Variants in PDE8B observed in about 807,000 individuals in gnomAD.
PDE8B encodes the protein high affinity cAMP-specific and IBMX-insensitive 3',5'-cyclic phosphodiesterase 8B.
PDE8B carries 26 observed loss-of-function variants against 101.3 expected under a neutral mutation model. The ratio of observed to expected loss-of-function variants is 0.26; its 90% CI spans 0.19 to 0.36. The LOEUF is 0.36. PDE8B is among the 10% of genes least tolerant of loss of function. The pLI is 1.00. For missense variants in PDE8B, 810 were observed against 1,163.1 expected, an observed-to-expected ratio of 0.70 and a Z score of 4.42; for synonymous variants, 424 against 429.3, an observed-to-expected ratio of 0.99 and a Z score of 0.15.
At chr5:77,291,186 C>T (rs551444540) in intron 1 of PDE8B, 49 of 1,610,510 alleles carry the variant, frequency 3.0e-5, no homozygotes, top group Admixed American at 1.8e-4. Flanking sequence ...CACTGCGAGG[C>T]GACTGTTTGT....
At chr5:77,246,676 A>C (rs773120237) in intron 1 of PDE8B, 4 of 152,236 alleles carry the variant, frequency 2.6e-5, no homozygotes, top group Non-Finnish European at 5.9e-5. Context: ...GTTGTGACAG[A>C]GACCAAATGG....
At chr5:77,415,168 G>A (rs1795269488) in intron 17 of PDE8B, among the ~76,000 whole-genome samples, 1 of 152,052 alleles carries the variant, frequency 6.6e-6, no homozygotes, top group South Asian at 2.1e-4. Flanking sequence ...AGGGGTTTCT[G>A]GGCTCAGAGG....
At chr5:77,247,921 G>C (rs999167833) in intron 1 of PDE8B, among the ~76,000 whole-genome samples, 1 of 152,134 alleles carries the variant, frequency 6.6e-6, no homozygotes, top group Non-Finnish European at 1.5e-5. Context: ...AATGTTTGCT[G>C]TCCAGGGGAT....
the PDE8B span, among the ~76,000 whole-genome samples, chr5:77,126,231 A>G: frequency 3.3e-5 from 5 of 151,976 alleles, no homozygotes; most frequent in South Asian, 1.0e-3. Flanking sequence ...GCTGCAGTGA[A>G]CTGAGTTTGT....
chr5:77,390,061 A>G (rs976556410), intron 10 of PDE8B, among the ~76,000 whole-genome samples: 1 of 152,172 alleles, frequency 6.6e-6, no homozygotes, highest in Admixed American at 6.5e-5. Context: ...ACTATGTATG[A>G]GAGTTCCAGT....
chr5:77,367,602 C>T (rs1317001903), intron 10 of PDE8B, among the ~76,000 whole-genome samples: 2 of 147,224 alleles, frequency 1.4e-5, no homozygotes, highest in African/African-American at 2.5e-5. Flanking sequence ...GCAATCTCGA[C>T]TCACTGCAAC....
intron 11 of PDE8B, among the ~76,000 whole-genome samples, chr5:77,400,862 A>G (rs1581494447): frequency 7.6e-6 from 1 of 131,256 alleles, no homozygotes; most frequent in Non-Finnish European, 1.7e-5. Flanking sequence ...GAATTCTCTG[A>G]CCATTAGAGG....
At chr5:77,291,174 A>G in intron 1 of PDE8B, 1 of 1,610,796 alleles carries the variant, frequency 6.2e-7, no homozygotes, top group South Asian at 1.1e-5. Flanking sequence ...CCAGAGGTGT[A>G]CCACTGCGAG....
intron 1 of PDE8B, among the ~76,000 whole-genome samples, chr5:77,282,293 G>A (rs1171412474): frequency 3.3e-5 from 5 of 151,990 alleles, no homozygotes; most frequent in Admixed American, 6.5e-5. Flanking sequence ...GGACAGCCAG[G>A]ATGAGCTTAT....
intron 5 of PDE8B, among the ~76,000 whole-genome samples, chr5:77,336,952 TG>T (rs1561545526): frequency 6.6e-6 from 1 of 152,228 alleles, no homozygotes; most frequent in Non-Finnish European, 1.5e-5. Flanking sequence ...TTTACATGGC[TG>T]GGCAGGCATT....
At chr5:77,165,975 CAA>C in the PDE8B span, among the ~76,000 whole-genome samples, 2 of 97,144 alleles carry the variant, frequency 2.1e-5, no homozygotes, top group African/African-American at 5.0e-5. Flanking sequence ...GAGACTGCCT[CAA>C]AAAAAAAAAA....
intron 10 of PDE8B, among the ~76,000 whole-genome samples, chr5:77,395,258 A>G (rs1297966273): frequency 6.6e-6 from 1 of 150,784 alleles, no homozygotes; most frequent in Non-Finnish European, 1.5e-5. Flanking sequence ...CTGGGACTAC[A>G]GGCACCCGCC....
At chr5:77,247,430 A>G (rs936465612) in intron 1 of PDE8B, among the ~76,000 whole-genome samples, 3 of 152,180 alleles carry the variant, frequency 2.0e-5, no homozygotes, top group Admixed American at 6.5e-5. Context: ...TCATATCACA[A>G]TGAGTGCATC....
chr5:77,410,094 T>C lies in PDE8B; in HGVS notation c.1530+1037T>C, dbSNP rs540457786. Among the ~76,000 whole-genome samples, 9 of 152,360 alleles carry C rather than the reference T, an allele frequency of 5.9e-5. No individual in the cohort carries two copies. The East Asian group carries it at 1.5e-3, about 26-fold the overall frequency. ...ATGCAGGACAGGCAAGTCCCCAAACTGGGGCTCAGCCCGGGAGGGTTCTTG... is the reference window on the plus strand; with the variant it reads ...ATGCAGGACAGGCAAGTCCCCAAACCGGGGCTCAGCCCGGGAGGGTTCTTG... On this transcript the variant is annotated intron_variant, in intron 14 of 21. Coordinates refer to ENST00000264917, the MANE Select transcript of PDE8B (RefSeq NM_003719.5).
intron 1 of PDE8B, 73 bp from the exon 2 acceptor site, chr5:77,311,921 G>A (rs753363515): frequency 9.3e-6 from 11 of 1,182,184 alleles, no homozygotes; most frequent in South Asian, 2.4e-5. Context: ...AATGCAATGC[G>A]TTGCGTAAGG....
At chr5:77,101,508 A>G in the PDE8B span, among the ~76,000 whole-genome samples, 2 of 152,144 alleles carry the variant, frequency 1.3e-5, no homozygotes, top group Non-Finnish European at 2.9e-5. Context: ...CCTCCTACTC[A>G]TTCACTGAGT....
At chr5:77,403,294 A>AGG in intron 11 of PDE8B, among the ~76,000 whole-genome samples, 3 of 152,184 alleles carry the variant, frequency 2.0e-5, no homozygotes, top group Non-Finnish European at 4.4e-5. Context: ...ACCCTGGAAA[A>AGG]TAGGGACAAG....
intron 1 of PDE8B, among the ~76,000 whole-genome samples, chr5:77,284,397 A>G (rs1012491495): frequency 2.0e-5 from 3 of 152,204 alleles, no homozygotes; most frequent in Non-Finnish European, 4.4e-5. Context: ...AGTCATTGCC[A>G]AACTCAAGAT....
intron 2 of PDE8B, among the ~76,000 whole-genome samples, chr5:77,314,032 T>C (rs1331658003): frequency 6.6e-6 from 1 of 152,216 alleles, no homozygotes; most frequent in African/African-American, 2.4e-5. Flanking sequence ...CTAAGAGTTT[T>C]ATAGTTTTAG....
Sources: gnomAD v4.1 joint callset for allele counts (sites outside exome capture counted in the v4.1 genomes callset) on GRCh38, gnomAD v4.1.1 for gene constraint, MANE v1.5 for transcripts, NCBI Gene and HGNC (gene_info 2026-07-23, HGNC 2026-07-21) for gene names.